The following NFIB variants were observed in gnomAD, a reference collection of about 807,000 sequenced individuals.
NFIB encodes the protein nuclear factor 1 B-type.
NFIB carries 11 observed loss-of-function variants against 61.5 expected under a neutral mutation model. That is an observed-to-expected ratio of 0.18 (90% confidence interval 0.11 to 0.30). The LOEUF (loss-of-function observed/expected upper bound fraction) is 0.30. Ranked by LOEUF, NFIB falls within the 10% of genes least tolerant of loss-of-function variation. NFIB has a pLI of 1.00. For synonymous variants in NFIB, 260 were observed against 216.5 expected (o/e 1.20, Z -1.76); for missense variants, 471 against 608.9 (o/e 0.77, Z 2.38).
At chr9:14,235,167 G>GA (rs370565431) in intron 2 of NFIB, among the ~76,000 whole-genome samples, 15 of 152,104 alleles carry the variant, frequency 9.9e-5, no homozygotes, top group African/African-American at 3.4e-4. Flanking sequence ...ACCAAGCTCA[G>GA]AAAAAAAGAC....
chr9:14,500,739 TTTCTC>T, the NFIB span, among the ~76,000 whole-genome samples: 1 of 152,186 alleles, frequency 6.6e-6, no homozygotes, highest in Non-Finnish European at 1.5e-5. Context: ...TCCTACATTT[TTTCTC>T]TTCTTAGTGG....
intron 2 of NFIB, among the ~76,000 whole-genome samples, chr9:14,256,720 G>GGTC (rs1454337752): frequency 6.6e-6 from 1 of 152,184 alleles, no homozygotes; most frequent in African/African-American, 2.4e-5. Flanking sequence ...GACCCAAAGT[G>GGTC]ACAAGACCAT....
the NFIB span, among the ~76,000 whole-genome samples, chr9:14,514,979 T>A: frequency 1.3e-5 from 2 of 152,150 alleles, no homozygotes; most frequent in Admixed American, 6.5e-5. Flanking sequence ...ACGGCATACT[T>A]AAACCATTGC....
intron 1 of NFIB, among the ~76,000 whole-genome samples, chr9:14,333,039 A>AT (rs576188350): frequency 2.8e-3 from 420 of 152,308 alleles, no homozygotes; most frequent in Non-Finnish European, 4.1e-3. Flanking sequence ...AGGAGACAGG[A>AT]TAGAGCAGCC....
intron 2 of NFIB, among the ~76,000 whole-genome samples, chr9:14,289,056 T>C (rs2058900997): frequency 6.6e-6 from 1 of 150,524 alleles, no homozygotes; most frequent in Admixed American, 6.7e-5. Flanking sequence ...TTGTCCTTTT[T>C]TATTAGTCAT....
rs7860656 is a variant in NFIB, at chr9:14,267,426, G to T, written c.562+39563C>A. Among the ~76,000 whole-genome samples the T allele has an allele frequency of 9.9e-5, 15 of 152,110 alleles. No individual in the cohort carries two copies. The East Asian group carries it at 2.1e-3, about 22-fold the overall frequency. The stretch of plus-strand genomic sequence containing the variant: ...TCTCAATAAATGCAAATGGCTCAAA[G>T]GGCCTTTTAACCAAAGCTATATTCA... On this transcript the variant is annotated intron_variant, in intron 2 of 10. Coordinates refer to ENST00000380953, the MANE Select transcript of NFIB (RefSeq NM_001190737.2).
chr9:14,465,377 A>C, the NFIB span, among the ~76,000 whole-genome samples: 1 of 152,276 alleles, frequency 6.6e-6, no homozygotes, highest in African/African-American at 2.4e-5. Context: ...CTCAAGTGCT[A>C]CTCTAAATGG....
intron 1 of NFIB, among the ~76,000 whole-genome samples, chr9:14,343,809 G>A (rs2132882094): frequency 7.0e-6 from 1 of 141,860 alleles, no homozygotes; most frequent in South Asian, 2.2e-4. Context: ...GCAGAGAAAG[G>A]GCTGCTTGGG....
chr9:14,197,855 A>G (rs2048624903), intron 2 of NFIB, among the ~76,000 whole-genome samples: 1 of 152,212 alleles, frequency 6.6e-6, no homozygotes. Flanking sequence ...CAAAACAATG[A>G]CGAAAAGGTT....
At chr9:14,508,593 C>T in the NFIB span, among the ~76,000 whole-genome samples, 5 of 152,300 alleles carry the variant, frequency 3.3e-5, no homozygotes, top group South Asian at 6.2e-4. Flanking sequence ...TCCCATATCA[C>T]GGAGAAAGTC....
At chr9:14,242,800 T>A (rs1301402809) in intron 2 of NFIB, among the ~76,000 whole-genome samples, 1 of 152,068 alleles carries the variant, frequency 6.6e-6, no homozygotes, top group African/African-American at 2.4e-5. Context: ...AGGTCTAGGG[T>A]TCAATTAAAC....
chr9:14,250,196 G>C (rs2055431612), intron 2 of NFIB, among the ~76,000 whole-genome samples: 1 of 152,180 alleles, frequency 6.6e-6, no homozygotes, highest in African/African-American at 2.4e-5. Context: ...GCACTTTTGT[G>C]CTGAGTCAAG....
At chr9:14,484,401 T>C in the NFIB span, among the ~76,000 whole-genome samples, 1 of 152,222 alleles carries the variant, frequency 6.6e-6, no homozygotes, top group Admixed American at 6.5e-5. Context: ...GCATATATCC[T>C]TGTATGCTAA....
chr9:14,488,698 T>C, the NFIB span, among the ~76,000 whole-genome samples: 1 of 152,144 alleles, frequency 6.6e-6, no homozygotes. Flanking sequence ...CCTTGAGTAA[T>C]GATTCTAACT....
chr9:14,263,396 T>C (rs559851712), intron 2 of NFIB, among the ~76,000 whole-genome samples: 24 of 152,270 alleles, frequency 1.6e-4, no homozygotes, highest in African/African-American at 5.5e-4. Flanking sequence ...ACATTCCCCT[T>C]CATTAACAAA....
chr9:14,361,431 C>T (rs2061239890), intron 1 of NFIB: 1 of 152,176 alleles, frequency 6.6e-6, no homozygotes. Context: ...TTCAGCACTT[C>T]TGTATTTGCT....
At chr9:14,184,269 C>T (rs970993929) in intron 2 of NFIB, among the ~76,000 whole-genome samples, 10 of 152,198 alleles carry the variant, frequency 6.6e-5, no homozygotes, top group Non-Finnish European at 1.2e-4. Flanking sequence ...TGATGCAATC[C>T]TAAAATAATG....
intron 1 of NFIB, among the ~76,000 whole-genome samples, chr9:14,320,961 G>A (rs1214637960): frequency 6.6e-6 from 1 of 152,060 alleles, no homozygotes. Flanking sequence ...AATACTTAGA[G>A]ATCTTGTCTG....
rs79951404 is a variant in NFIB, at chr9:14,226,549, G to GAA, written c.563-46771_563-46770dup. Among the ~76,000 whole-genome samples the GAA allele has an allele frequency of 8.3e-3, 744 of 89,386 alleles. 2 individuals are homozygous for GAA. The highest frequency in any genetic ancestry group is 0.018 in the African/African-American group (411 of 22,730). 58.6% of individuals were successfully genotyped at this position (89,386 alleles called of 152,430 possible). On this transcript the variant is annotated intron_variant, in intron 2 of 10. Coordinates refer to ENST00000380953, the MANE Select transcript of NFIB (RefSeq NM_001190737.2). ...GGCAACAGAGCAAGACCCTATCTCA[G>GAA]AAAAAAAAAAAAAAAGCAATGAATA...
Sources: gnomAD v4.1 joint callset for allele counts (sites outside exome capture counted in the v4.1 genomes callset) on GRCh38, gnomAD v4.1.1 for gene constraint, MANE v1.5 for transcripts, NCBI Gene and HGNC (gene_info 2026-07-23, HGNC 2026-07-21) for gene names.